UPP1: variants seen among roughly 807,000 people sequenced by gnomAD.
UPP1 encodes the protein uridine phosphorylase 1.
A neutral mutation model predicts 29.6 loss-of-function variants in UPP1; 25 were observed. That is an observed-to-expected ratio of 0.85 (90% CI 0.62 to 1.18). The LOEUF (loss-of-function observed/expected upper bound fraction) is 1.18. UPP1 is among the 50% of genes most tolerant of loss of function. The pLI, the probability that UPP1 is intolerant of heterozygous loss-of-function variation, is 0.00. For missense variants in UPP1, 368 were observed against 410.4 expected, an observed-to-expected ratio of 0.90 and a Z score of 0.89; for synonymous variants, 165 against 159.8, an observed-to-expected ratio of 1.03 and a Z score of -0.25.
Position 48,106,878 on chromosome 7 carries a change from G to A in UPP1, c.442G>A (p.Glu148Lys). The A allele has an allele frequency of 2.5e-6, 4 of 1,613,588 alleles. No homozygotes were observed. Among genetic ancestry groups the A allele is most frequent in the Non-Finnish European group, 3.4e-6 (4 of 1,179,906 alleles). Residue 148 changes from glutamate (E) to lysine (K), a missense_variant, in exon 7 of 9, where the codon GAG becomes AAG. By Grantham distance (56) the Glu-to-Lys change is moderately conservative (BLOSUM62 1). Transcript: ENST00000395564. ...RIGTSGGIGL[E>K]PGTVVITEQA... ...ATGTCTGCTTTTTTCCTCAGGTCTG[G>A]AGCCCGGCACTGTGGTCATAACAGA...
chr7:48,108,082 G>T lies in UPP1; in HGVS notation c.794-136G>T, dbSNP rs1029605078. On this transcript the variant is annotated intron_variant, in intron 8 of 8. Transcript: ENST00000395564. ...CTCCCGCACTCCATCCTCCGGCCCCGCCTGACTGCATGGGCAGCCTGGTTT... is the reference window on the plus strand; with the variant it reads ...CTCCCGCACTCCATCCTCCGGCCCCTCCTGACTGCATGGGCAGCCTGGTTT... 7 of 1,327,384 alleles carry T rather than the reference G, an allele frequency of 5.3e-6. No individual in the cohort carries two copies. The East Asian group carries it at 1.6e-4, about 31-fold the overall frequency. The allele number at this position is 1,327,384 out of a possible 1,614,324, so 82.2% of individuals were successfully genotyped here.
intron 6 of UPP1, chr7:48,103,867 C>T (rs1177706904): frequency 2.3e-6 from 3 of 1,288,230 alleles, no homozygotes; most frequent in Non-Finnish European, 3.0e-6. Flanking sequence ...GATAAGTGTC[C>T]TTAAATTAGC....
At position 48,107,064 on chromosome 7, in the gene UPP1, A is replaced by G; in HGVS notation, c.628A>G (p.Thr210Ala). The change falls in exon 7 of 9, where the codon ACC becomes GCC. Residue 210 changes from threonine to alanine, a missense_variant. Thr to Ala is a moderately conservative substitution (Grantham distance 58, BLOSUM62 0). Transcript: ENST00000395564. Reference sequence around the variant, plus strand: ...CACAGTGGTGGGGAACACCATGTGCACCTTGGACTTCTATGAAGGTGAGGC... The same window carrying G: ...CACAGTGGTGGGGAACACCATGTGCGCCTTGGACTTCTATGAAGGTGAGGC... Reference protein sequence around the residue: ...FTTVVGNTMCTLDFYEGQGRL... With the variant: ...FTTVVGNTMCALDFYEGQGRL... 6.2e-7 allele frequency: 1 copy of G among 1,612,084 alleles called. No homozygotes were observed. Among genetic ancestry groups the G allele is most frequent in the Non-Finnish European group, 8.5e-7 (1 of 1,179,858 alleles).
chr7:48,095,619 T>A (rs1397648528), intron 3 of UPP1, among the ~76,000 whole-genome samples: 2 of 152,100 alleles, frequency 1.3e-5, no homozygotes, highest in African/African-American at 4.8e-5. Context: ...TTTTGGAGTT[T>A]CTGGTGCCTG....
chr7:48,103,973 A>G, intron 6 of UPP1: 1 of 1,169,998 alleles, frequency 8.5e-7, no homozygotes, highest in Non-Finnish European at 1.1e-6. Flanking sequence ...TAATCCCAGC[A>G]CATTGGGAGG....
chr7:48,101,363 G>C (rs1792410970), intron 4 of UPP1, among the ~76,000 whole-genome samples: 1 of 152,140 alleles, frequency 6.6e-6, no homozygotes, highest in Admixed American at 6.6e-5. Context: ...GGCTTCGGCT[G>C]GCTCTTCTCA....
At chr7:48,107,204 G>T in intron 7 of UPP1, 122 bp downstream of exon 7, 1 of 1,417,990 alleles carries the variant, frequency 7.1e-7, no homozygotes, top group African/African-American at 1.4e-5. Flanking sequence ...GTTACACTTC[G>T]CCCAGAGTGG....
At position 48,108,477 on chromosome 7, in the gene UPP1, C is replaced by G. The variant is rs914932907; in HGVS notation, c.*120C>G. 9 of 1,204,430 alleles carry G rather than the reference C, an allele frequency of 7.5e-6. No homozygotes were observed. The highest frequency in any genetic ancestry group is 1.0e-5 in the Non-Finnish European group (9 of 895,704). The allele number at this position is 1,204,430 out of a possible 1,614,324, so 74.6% of individuals were successfully genotyped here. On this transcript the variant is annotated 3_prime_UTR_variant, in exon 9 of 9. Transcript: ENST00000395564. The stretch of plus-strand genomic sequence containing the variant: ...CACAAGAATCTAGAAAATCAGATCG[C>G]GATTAAGAGACAGAGAATCTTGGAT...
At chr7:48,097,570 G>A (rs942579631) in intron 3 of UPP1, among the ~76,000 whole-genome samples, 2 of 152,120 alleles carry the variant, frequency 1.3e-5, no homozygotes, top group Non-Finnish European at 1.5e-5. Context: ...CTGTCTTCAC[G>A]GTTACACCCT....
At chr7:48,101,149 C>T (rs938444039) in intron 4 of UPP1, among the ~76,000 whole-genome samples, 4 of 152,188 alleles carry the variant, frequency 2.6e-5, no homozygotes, top group Non-Finnish European at 5.9e-5. Flanking sequence ...CTCAGGTGAT[C>T]TGCCTGCCCA....
intron 2 of UPP1, among the ~76,000 whole-genome samples, chr7:48,093,427 C>A (rs1009702897): frequency 6.6e-6 from 1 of 152,208 alleles, no homozygotes; most frequent in African/African-American, 2.4e-5. Flanking sequence ...TCTTTATGAG[C>A]CTTGGATCAT....
chr7:48,101,238 A>G (rs1225410497), intron 4 of UPP1, among the ~76,000 whole-genome samples: 1 of 151,670 alleles, frequency 6.6e-6, no homozygotes, highest in Non-Finnish European at 1.5e-5. Context: ...ACTCACTTAA[A>G]AAAATTTTTT....
intron 4 of UPP1, among the ~76,000 whole-genome samples, chr7:48,101,185 G>A (rs992336142): frequency 1.3e-5 from 2 of 152,176 alleles, no homozygotes; most frequent in African/African-American, 2.4e-5. Context: ...GATTACAGGT[G>A]TGAGCCACTG....
In UPP1 at chr7:48,103,746, T is replaced by C. The variant is rs762983281; in HGVS notation, c.436+335T>C. The C allele has an allele frequency of 1.3e-5, 17 of 1,294,554 alleles. 1 individual carries two copies. The highest frequency in any genetic ancestry group is 1.1e-4 in the South Asian group (9 of 80,900). The allele number at this position is 1,294,554 out of a possible 1,614,324, so 80.2% of individuals were successfully genotyped here. On this transcript the variant is annotated intron_variant, in intron 6 of 8. Coordinates refer to ENST00000395564, the MANE Select transcript of UPP1 (RefSeq NM_003364.4). ...CCCCCTTCTTCTCCATTCTCTCCTTTCCTTTGCTTACTTTTCCTCCTCCCT... is the reference window on the plus strand; with the variant it reads ...CCCCCTTCTTCTCCATTCTCTCCTTCCCTTTGCTTACTTTTCCTCCTCCCT...
rs114423949 is a variant in UPP1 at position 48,106,745 on chromosome 7, C to T, written c.437-128C>T. The T allele has an allele frequency of 1.8e-3, 1,493 of 807,102 alleles. 20 individuals are homozygous for T. In the African/African-American group the frequency reaches 0.022, roughly 12 times the overall value. 50.0% of individuals were successfully genotyped at this position (807,102 alleles called of 1,614,324 possible). A position where few individuals can be genotyped will look rare whatever the true frequency, so the allele number is the denominator to read the frequency against. On this transcript the variant is annotated intron_variant, in intron 6 of 8. Transcript: ENST00000395564. Reference sequence around the variant, plus strand: ...TATTTGAGAACAGTACTGGATGCTTCGTGTTTGGATGTGTGGGTGGATCTG... The same window carrying T: ...TATTTGAGAACAGTACTGGATGCTTTGTGTTTGGATGTGTGGGTGGATCTG...
At chr7:48,107,619 T>C in intron 8 of UPP1, 112 bp downstream of exon 8, 1 of 1,332,284 alleles carries the variant, frequency 7.5e-7, no homozygotes, top group Non-Finnish European at 1.0e-6. Context: ...ATTTCTGGTT[T>C]CTGTTTCCGC....
rs1792888603 is a variant in UPP1 at position 48,108,348 on chromosome 7, C to T, written c.924C>T (p.Ser308=). 3.1e-6 allele frequency: 5 copies of T among 1,613,660 alleles called. No individual in the cohort carries two copies. The highest frequency in any genetic ancestry group is 4.2e-6 in the Non-Finnish European group (5 of 1,179,732). Reference sequence around the variant, plus strand: ...GCTACTTCATCAAGAAGAAACTGAGCAAGGCCTGAGCGCTGCCCTGCACCT... The same window carrying T: ...GCTACTTCATCAAGAAGAAACTGAGTAAGGCCTGAGCGCTGCCCTGCACCT... ...LVSYFIKKKL[S]KA Residue 308 remains serine (S), a synonymous_variant, in exon 9 of 9, where the codon AGC becomes AGT. Coordinates refer to ENST00000395564, the MANE Select transcript of UPP1 (RefSeq NM_003364.4).
chr7:48,104,109 TG>T, intron 6 of UPP1: 1 of 278,698 alleles, frequency 3.6e-6, no homozygotes, highest in South Asian at 4.2e-5. Flanking sequence ...TCCCAGCTGC[TG>T]GTGAGGCTGA....
At chr7:48,105,016 A>T (rs2128816511) in intron 6 of UPP1, 1 of 152,388 alleles carries the variant, frequency 6.6e-6, no homozygotes, top group Non-Finnish European at 1.5e-5. Flanking sequence ...TGCTATCCTC[A>T]CAAACCCCAA....
Sources: gnomAD v4.1 joint callset for allele counts (sites outside exome capture counted in the v4.1 genomes callset) on GRCh38, gnomAD v4.1.1 for gene constraint, MANE v1.5 for transcripts, NCBI Gene and HGNC (gene_info 2026-07-23, HGNC 2026-07-21) for gene names.